GNAO1: variants seen among roughly 807,000 people sequenced by gnomAD.
GNAO1 encodes G protein subunit alpha o1.
For missense variants in GNAO1, 166 were observed against 478.7 expected (o/e 0.35, Z 6.10); for synonymous variants, 164 against 180.7 (o/e 0.91, Z 0.74).
intron 2 of GNAO1, among the ~76,000 whole-genome samples, chr16:56,208,434 TGTGTGTGTGTGTGTGCGCGCGCGCGCAC>T (rs1467129760): frequency 3.7e-4 from 37 of 100,904 alleles, no homozygotes; most frequent in African/African-American, 1.5e-3. Context: ...TGTGTGTGTG[TGTGTGTGTGTGTGTGCGCGCGCGCGCAC>T]GTGTGTGTGT....
intron 2 of GNAO1, chr16:56,271,164 C>T (rs538890814): frequency 6.6e-6 from 1 of 152,342 alleles, no homozygotes; most frequent in East Asian, 1.9e-4. Context: ...TCTGGATTCT[C>T]CTGGATATAG....
At chr16:56,346,407 A>G in intron 6 of GNAO1, 1 of 985,450 alleles carries the variant, frequency 1.0e-6, no homozygotes, top group Non-Finnish European at 1.2e-6. Context: ...TAGCAGGCCA[A>G]GCAGAAACTG....
intron 3 of GNAO1, among the ~76,000 whole-genome samples, chr16:56,315,315 G>C (rs1405806676): frequency 1.3e-5 from 2 of 152,190 alleles, no homozygotes; most frequent in Non-Finnish European, 2.9e-5. Flanking sequence ...CTTTGACTGA[G>C]CTCTGTGTGG....
chr16:56,211,859 G>A (rs1172361709), intron 2 of GNAO1, among the ~76,000 whole-genome samples: 1 of 152,230 alleles, frequency 6.6e-6, no homozygotes, highest in African/African-American at 2.4e-5. Context: ...AATGCTCTGT[G>A]TGTGAACACA....
intron 3 of GNAO1, among the ~76,000 whole-genome samples, chr16:56,284,153 G>A (rs1354221838): frequency 6.6e-6 from 1 of 152,206 alleles, no homozygotes; most frequent in Non-Finnish European, 1.5e-5. Context: ...ACTTCCTGGG[G>A]AAGTGCACAA....
At chr16:56,274,915 A>G (rs114159138) in intron 2 of GNAO1, among the ~76,000 whole-genome samples, 184 of 152,324 alleles carry the variant, frequency 1.2e-3, no homozygotes, top group African/African-American at 4.3e-3. Context: ...CTATATATGA[A>G]CTATATCTCA....
chr16:56,285,540 G>A (rs1436213816), intron 3 of GNAO1, among the ~76,000 whole-genome samples: 1 of 152,188 alleles, frequency 6.6e-6, no homozygotes, highest in African/African-American at 2.4e-5. Flanking sequence ...GCAGACTTCA[G>A]CCTTAGAAGC....
intron 3 of GNAO1, among the ~76,000 whole-genome samples, chr16:56,294,846 C>G (rs2037267745): frequency 6.6e-6 from 1 of 152,118 alleles, no homozygotes; most frequent in Non-Finnish European, 1.5e-5. Context: ...TTTAATCTGC[C>G]TTTCCATGGT....
chr16:56,319,481 C>A (rs1279601319), intron 3 of GNAO1, among the ~76,000 whole-genome samples: 23 of 152,134 alleles, frequency 1.5e-4, no homozygotes, highest in Admixed American at 1.5e-3. Context: ...CTACGCCCCT[C>A]CTTGGAGCAT....
chr16:56,221,593 T>C (rs567348566), intron 2 of GNAO1, among the ~76,000 whole-genome samples: 70 of 139,428 alleles, frequency 5.0e-4, no homozygotes, highest in Non-Finnish European at 8.1e-4. Flanking sequence ...GAGGTTGCAG[T>C]GAGCCGAGAT....
chr16:56,348,824 G>A (rs908405017), intron 6 of GNAO1, among the ~76,000 whole-genome samples: 3 of 152,086 alleles, frequency 2.0e-5, no homozygotes, highest in East Asian at 1.9e-4. Context: ...AGGATCAGCC[G>A]CCTTTTGGGG....
chr16:56,231,680 G>C (rs1287462910), intron 2 of GNAO1, among the ~76,000 whole-genome samples: 2 of 152,218 alleles, frequency 1.3e-5, no homozygotes, highest in Non-Finnish European at 2.9e-5. Flanking sequence ...AATGCAGACT[G>C]TGTTTGAAAA....
At chr16:56,342,268 T>C (rs1201741034) in intron 6 of GNAO1, among the ~76,000 whole-genome samples, 1 of 152,100 alleles carries the variant, frequency 6.6e-6, no homozygotes, top group African/African-American at 2.4e-5. Context: ...TCAGCTGCAG[T>C]CCTAGGACAC....
chr16:56,256,688 C>CTCTCTG (rs377550001), intron 2 of GNAO1, among the ~76,000 whole-genome samples: 143 of 114,478 alleles, frequency 1.2e-3, no homozygotes, highest in African/African-American at 3.6e-3. Flanking sequence ...TTCTCTCTGT[C>CTCTCTG]TCTCTCTCTC....
Position 56,192,512 on chromosome 16 carries a change from C to T in GNAO1, c.119-62C>T, listed in dbSNP as rs1209333767. On this transcript the variant is annotated intron_variant, in intron 1 of 8. Transcript: ENST00000262493. ...ACCCCCTCGCATGCCTTAGTCCCCCCCTCCCCCTGTTCCCTTAAGCTGACA... is the reference window on the plus strand; with the variant it reads ...ACCCCCTCGCATGCCTTAGTCCCCCTCTCCCCCTGTTCCCTTAAGCTGACA... 6.5e-6 allele frequency: 7 copies of T among 1,078,216 alleles called. No homozygotes were observed. In the African/African-American group the frequency reaches 9.4e-5, roughly 15 times the overall value. The allele number at this position is 1,078,216 out of a possible 1,614,324, so 66.8% of individuals were successfully genotyped here. A position where few individuals can be genotyped will look rare whatever the true frequency, so the allele number is the denominator to read the frequency against.
intron 2 of GNAO1, among the ~76,000 whole-genome samples, chr16:56,256,718 CTGTGTGTG>C (rs199786327): frequency 0.021 from 1,513 of 72,226 alleles, 24 homozygotes; most frequent in African/African-American, 0.058. Context: ...CTCTCTCTCT[CTGTGTGTG>C]TGTGTGTGTG....
chr16:56,221,651 C>CA (rs11306838), intron 2 of GNAO1, among the ~76,000 whole-genome samples: 989 of 83,282 alleles, frequency 0.012, 9 homozygotes, highest in East Asian at 0.032. Flanking sequence ...GACTGCATCT[C>CA]AAAAAAAAAA....
At chr16:56,344,718 G>A (rs529410542) in intron 6 of GNAO1, 9 of 985,570 alleles carry the variant, frequency 9.1e-6, no homozygotes, top group East Asian at 1.1e-4. Context: ...GGGGCCTCCC[G>A]CCCAGTCCTC....
At chr16:56,343,571 G>A (rs919577339) in intron 6 of GNAO1, among the ~76,000 whole-genome samples, 1 of 151,484 alleles carries the variant, frequency 6.6e-6, no homozygotes, top group Admixed American at 6.6e-5. Context: ...CACTGGATCT[G>A]TCCCACTGAC....
Sources: gnomAD v4.1 joint callset for allele counts (sites outside exome capture counted in the v4.1 genomes callset) on GRCh38, gnomAD v4.1.1 for gene constraint, MANE v1.5 for transcripts, NCBI Gene and HGNC (gene_info 2026-07-23, HGNC 2026-07-21) for gene names.